The following PPIL2 variants were observed in gnomAD, a reference collection of about 807,000 sequenced individuals.
PPIL2 encodes the protein RING-type E3 ubiquitin-protein ligase PPIL2.
A neutral mutation model predicts 75.2 loss-of-function variants in PPIL2; 50 were observed. That is an observed-to-expected ratio of 0.66 (90% CI 0.53 to 0.84). PPIL2 has a LOEUF of 0.84. PPIL2 is among the 40% of genes least tolerant of loss of function. The pLI is 0.00. For synonymous variants in PPIL2, 245 were observed against 258.8 expected (o/e 0.95, Z 0.51); for missense variants, 590 against 685.0 (o/e 0.86, Z 1.55).
Position 21,695,411 on chromosome 22 carries a change from A to T in PPIL2, c.1484A>T (p.Glu495Val). The change falls in exon 20 of 20, where the codon GAA (glutamate) becomes GTA (valine). Residue 495 changes from glutamate (E) to valine (V), a missense_variant. Glu to Val is a moderately radical substitution (Grantham distance 121). Transcript: ENST00000398831. The part of the protein sequence containing the change: ...NPAATKRAAE[E>V]EPSTSATVPM... ...CTTCCCAGGAAGCGAGCAGCAGAGGAAGAGCCCTCAACCAGTGCCACTGTC... is the reference window on the plus strand; with the variant it reads ...CTTCCCAGGAAGCGAGCAGCAGAGGTAGAGCCCTCAACCAGTGCCACTGTC... The T allele has an allele frequency of 6.2e-7, 1 of 1,609,374 alleles. No homozygotes were observed. Among genetic ancestry groups the T allele is most frequent in the Non-Finnish European group, 8.5e-7 (1 of 1,177,950 alleles).
At position 21,671,045 on chromosome 22, in the gene PPIL2, C is replaced by T. The variant is rs192875862; in HGVS notation, c.177C>T (p.Ile59=). 3.1e-6 allele frequency: 5 copies of T among 1,611,794 alleles called. No individual in the cohort carries two copies. The highest frequency in any genetic ancestry group is 2.2e-5 in the East Asian group (1 of 44,866). The part of the protein sequence containing the change: ...FVYPVCTPDG[I]VFDLLNIVPW... ...ACCCAGTCTGCACTCCCGATGGCAT[C>T]GTCTTTGACTTACTGTGAGTTTTTC... Residue 59 remains isoleucine, a synonymous_variant, in exon 4 of 20, where the codon ATC becomes ATT. Coordinates refer to ENST00000398831, the MANE Select transcript of PPIL2 (RefSeq NM_014337.4).
chr22:21,671,577 C>CTT (rs61199826), intron 4 of PPIL2, among the ~76,000 whole-genome samples: 91 of 149,212 alleles, frequency 6.1e-4, no homozygotes, highest in Non-Finnish European at 1.1e-3. Context: ...TTGTTCTTTT[C>CTT]TTTTTTTTTT....
rs759875952 is a variant in PPIL2, at chr22:21,675,059, T to C, written c.244-5T>C. On this transcript the variant is annotated splice_region_variant and splice_polypyrimidine_tract_variant and intron_variant, in intron 5 of 19. Transcript: ENST00000398831. ...ATCATTAATTATTAACTGTGCTTCT[T>C]CCAGAAGCTGGACGGGAGGTCCCTG... The C allele has an allele frequency of 6.2e-7, 1 of 1,606,712 alleles. No individual in the cohort carries two copies. The highest frequency in any genetic ancestry group is 8.5e-7 in the Non-Finnish European group (1 of 1,173,334).
intron 14 of PPIL2, among the ~76,000 whole-genome samples, chr22:21,688,350 G>A (rs2067469262): frequency 6.6e-6 from 1 of 152,186 alleles, no homozygotes. Flanking sequence ...GGCCCCTGGG[G>A]TCTGCCTCAG....
chr22:21,678,516 C>T (rs1453880420), intron 6 of PPIL2, among the ~76,000 whole-genome samples: 1 of 152,124 alleles, frequency 6.6e-6, no homozygotes, highest in Non-Finnish European at 1.5e-5. Context: ...CAGGCGTGAG[C>T]CACTGCGCCC....
At chr22:21,683,323 G>T (rs534821259) in intron 9 of PPIL2, 66 bp downstream of exon 9, 115 of 1,399,158 alleles carry the variant, frequency 8.2e-5, no homozygotes, top group Admixed American at 4.6e-4. Context: ...AGTGCTCCCT[G>T]GGTAAAGCCC....
In PPIL2 at chr22:21,696,709, T is replaced by C; in HGVS notation, c.*1219T>C. 1 of 1,536,110 alleles carries C rather than the reference T, an allele frequency of 6.5e-7. No individual in the cohort carries two copies. The highest frequency in any genetic ancestry group is 1.2e-5 in the South Asian group (1 of 83,732). The stretch of plus-strand genomic sequence containing the variant: ...CCCTAACTTAGGCCTTGTTCTTGGT[T>C]TTCTCATTTTTGTTGCCCCAAATCT... On this transcript the variant is annotated 3_prime_UTR_variant, in exon 20 of 20. Transcript: ENST00000398831.
rs764751634 is a variant in PPIL2 at position 21,686,497 on chromosome 22, A to G, written c.729A>G (p.Thr243=). 3.7e-6 allele frequency: 6 copies of G among 1,614,020 alleles called. No individual in the cohort carries two copies. The highest frequency in any genetic ancestry group is 1.1e-5 in the South Asian group (1 of 91,090). The change falls in exon 11 of 20, where the codon ACA becomes ACG. Residue 243 remains threonine, a synonymous_variant. Transcript: ENST00000398831. ...VDKLNAAHYS[T]GKVSASFTST... ...TTCCTTGGCAGGCCCACTATTCCAC[A>G]GGGAAGGTCAGCGCTTCCTTCACCT... is the stretch of plus-strand genomic sequence containing the variant.
At chr22:21,688,311 G>A (rs1380166098) in intron 14 of PPIL2, among the ~76,000 whole-genome samples, 1 of 152,224 alleles carries the variant, frequency 6.6e-6, no homozygotes, top group Non-Finnish European at 1.5e-5. Context: ...GCATGGTAGA[G>A]GAGGCAAGAG....
chr22:21,687,541 A>T, intron 12 of PPIL2, 102 bp from the exon 13 acceptor site: 5 of 775,962 alleles, frequency 6.4e-6, no homozygotes, highest in East Asian at 2.7e-5. Context: ...CAACAGCAAG[A>T]CTCCACCTCA....
intron 1 of PPIL2, among the ~76,000 whole-genome samples, chr22:21,667,251 G>A (rs1187934536): frequency 6.7e-6 from 1 of 148,356 alleles, no homozygotes; most frequent in Non-Finnish European, 1.5e-5. Context: ...CCGCTTCCCG[G>A]CTTCAAGAGA....
chr22:21,675,193 A>G, intron 6 of PPIL2, 78 bp downstream of exon 6: 1 of 1,331,186 alleles, frequency 7.5e-7, no homozygotes, highest in Non-Finnish European at 1.1e-6. Flanking sequence ...TTTCATACGG[A>G]ATCAGTCATT....
chr22:21,681,466 G>A, intron 7 of PPIL2, 76 bp downstream of exon 7: 2 of 1,335,588 alleles, frequency 1.5e-6, no homozygotes, highest in Non-Finnish European at 2.1e-6. Flanking sequence ...CACTGGCTGG[G>A]CTGTGTGCTA....
rs2148502461 is a variant in PPIL2, at chr22:21,671,004, C to T, written c.136C>T (p.Leu46=). The T allele has an allele frequency of 1.9e-6, 3 of 1,612,578 alleles. No homozygotes were observed. The highest frequency in any genetic ancestry group is 2.5e-6 in the Non-Finnish European group (3 of 1,178,522). Residue 46 remains leucine (L), a synonymous_variant, in exon 4 of 20, where the codon CTG becomes TTG. Transcript: ENST00000398831. ...ATGACTGTCCTTTTTCAGTCTCTCT[C>T]TGCAGCCCTTTGTCTACCCAGTCTG... is the stretch of plus-strand genomic sequence containing the variant. ...RLPFDHCSLS[L]QPFVYPVCTP...
intron 5 of PPIL2, among the ~76,000 whole-genome samples, chr22:21,673,209 A>C (rs1310923139): frequency 6.6e-6 from 1 of 152,100 alleles, no homozygotes; most frequent in African/African-American, 2.4e-5. Flanking sequence ...GGTCTTTGTC[A>C]CTTGAAGACT....
chr22:21,698,671 C>G (rs1654478611), downstream of PPIL2: 3 of 152,410 alleles, frequency 2.0e-5, 1 homozygote, highest in Admixed American at 2.0e-4. Context: ...TGTCTTTCAG[C>G]CTCTTCACAG....
chr22:21,692,240 C>G (rs930665767), intron 15 of PPIL2, among the ~76,000 whole-genome samples: 2 of 151,890 alleles, frequency 1.3e-5, no homozygotes, highest in Non-Finnish European at 2.9e-5. Context: ...ACTGCAAGCT[C>G]CGCCTCCCAG....
At chr22:21,680,862 A>G (rs1055011989) in intron 6 of PPIL2, among the ~76,000 whole-genome samples, 5 of 145,560 alleles carry the variant, frequency 3.4e-5, no homozygotes, top group African/African-American at 1.2e-4. Context: ...AACAGAGCAA[A>G]ACAAAAAAAA....
In PPIL2 at chr22:21,684,811, C is replaced by CCTCG; in HGVS notation, c.613_614insTCGC (p.Arg205LeufsTer59). 1 of 1,614,166 alleles carries CCTCG rather than the reference C, an allele frequency of 6.2e-7. No individual in the cohort carries two copies. The highest frequency in any genetic ancestry group is 8.5e-7 in the Non-Finnish European group (1 of 1,180,034). ...ATCTGAAAAATACAAATGCCGAGAC[C>CCTCG]CGAGAGACCCTGCAGGAGCTCTACA... On this transcript the variant is annotated frameshift_variant, in exon 10 of 20. Coordinates refer to ENST00000398831, the MANE Select transcript of PPIL2 (RefSeq NM_014337.4). LOFTEE classifies it high-confidence loss of function.
Sources: allele counts gnomAD v4.1 joint callset (sites outside exome capture counted in the v4.1 genomes callset), GRCh38; gene constraint gnomAD v4.1.1; transcripts MANE v1.5; gene names NCBI Gene and HGNC (gene_info 2026-07-23, HGNC 2026-07-21).